Variants in OSMR observed in about 807,000 individuals in gnomAD.
OSMR encodes oncostatin-M-specific receptor subunit beta.
OSMR carries 81 observed loss-of-function variants against 99.9 expected under a neutral mutation model. That is an observed-to-expected ratio of 0.81 (90% CI 0.68 to 0.97). The LOEUF (loss-of-function observed/expected upper bound fraction) is 0.97, where lower values mean the gene tolerates loss of function less well. OSMR is among the 50% of genes least tolerant of loss of function. OSMR has a pLI of 0.00. For missense variants in OSMR, 1,099 were observed against 1,153.4 expected (o/e 0.95, Z 0.68); for synonymous variants, 406 against 410.4 (o/e 0.99, Z 0.13).
chr5:38,894,820 A>T (rs1744394402), intron 7 of OSMR, among the ~76,000 whole-genome samples: 1 of 152,098 alleles, frequency 6.6e-6, no homozygotes, highest in Non-Finnish European at 1.5e-5. Flanking sequence ...ACTAACAAAG[A>T]AATTCTGGAC....
intron 2 of OSMR, among the ~76,000 whole-genome samples, chr5:38,875,068 T>G (rs1742708079): frequency 6.6e-6 from 1 of 152,234 alleles, no homozygotes; most frequent in Non-Finnish European, 1.5e-5. Context: ...ACGTAACGTT[T>G]GAGGGGTTCA....
At position 38,881,658 on chromosome 5, in the gene OSMR, T is replaced by C. The variant is rs759903125; in HGVS notation, c.312T>C (p.Pro104=). The change falls in exon 4 of 18, where the codon CCT becomes CCC. Residue 104 remains proline (P), a synonymous_variant. Transcript: ENST00000274276. ...ATTGGAGCTGGGAATCTGAGCTCCC[T>C]TTGGAATGTGCCACACACTTTGTAA... ...VLHWSWESEL[P]LECATHFVRI... 9 of 1,614,178 alleles carry C rather than the reference T, an allele frequency of 5.6e-6. No homozygotes were observed. Among genetic ancestry groups the C allele is most frequent in the Non-Finnish European group, 7.6e-6 (9 of 1,179,998 alleles).
chr5:38,885,738 C>T (rs983961277), intron 6 of OSMR: 1 of 411,414 alleles, frequency 2.4e-6, no homozygotes. Context: ...GAAAATAGTC[C>T]TGTCTGATAA....
chr5:38,869,143 A>T, intron 2 of OSMR, 26 bp downstream of exon 2: 1 of 1,500,370 alleles, frequency 6.7e-7, no homozygotes. Flanking sequence ...AACAGTAAAG[A>T]CAAAAATCAC....
intron 7 of OSMR, among the ~76,000 whole-genome samples, chr5:38,895,315 T>G (rs1486558865): frequency 6.6e-6 from 1 of 152,074 alleles, no homozygotes; most frequent in Non-Finnish European, 1.5e-5. Context: ...AAACACTGGT[T>G]TTTTGAAAGG....
Position 38,847,254 on chromosome 5 carries a change from G to A in OSMR, c.-14+867G>A, listed in dbSNP as rs576747552. The stretch of plus-strand genomic sequence containing the variant: ...CTACTTATCACCTCTTAGTTTCCTT[G>A]TCTGCAAATAATAATGGTTCATACT... On this transcript the variant is annotated intron_variant, in intron 1 of 17. Transcript: ENST00000274276. 9.1e-4 allele frequency among the ~76,000 whole-genome samples: 139 copies of A among 152,288 alleles called. 3 individuals are homozygous for A. Among genetic ancestry groups the A allele is most frequent in the African/African-American group, 3.2e-3 (134 of 41,566 alleles).
Position 38,904,509 on chromosome 5 carries a change from T to C in OSMR, c.1285+6T>C. The C allele has an allele frequency of 6.2e-7, 1 of 1,614,174 alleles. No homozygotes were observed. Among genetic ancestry groups the C allele is most frequent in the Non-Finnish European group, 8.5e-7 (1 of 1,180,032 alleles). On this transcript the variant is annotated splice_donor_region_variant and intron_variant, in intron 9 of 17. Coordinates refer to ENST00000274276, the MANE Select transcript of OSMR (RefSeq NM_003999.3). ...CTTCACCACACTTGAAGCTGGTATG[T>C]TCAGCCCCTGGCATTTAACCCAAAG...
intron 7 of OSMR, among the ~76,000 whole-genome samples, chr5:38,895,937 C>T (rs945864402): frequency 6.6e-6 from 1 of 151,800 alleles, no homozygotes; most frequent in African/African-American, 2.4e-5. Context: ...TGTTTTGGCA[C>T]CTTTGTAAAA....
At chr5:38,918,294 G>A (rs1746034565) in intron 10 of OSMR, among the ~76,000 whole-genome samples, 2 of 152,154 alleles carry the variant, frequency 1.3e-5, no homozygotes, top group Admixed American at 1.3e-4. Flanking sequence ...CATGCCAGGG[G>A]AGGGGAGGCC....
intron 1 of OSMR, 85 bp downstream of exon 1, chr5:38,846,472 C>CCAG (rs1739821541): frequency 6.6e-6 from 1 of 152,324 alleles, no homozygotes; most frequent in Non-Finnish European, 1.5e-5. Context: ...ATTCACCATC[C>CCAG]CAGCGCCTTT....
intron 17 of OSMR, 28 bp from the exon 18 acceptor site, chr5:38,932,844 T>C (rs1365117787): frequency 8.1e-6 from 13 of 1,613,076 alleles, no homozygotes; most frequent in Admixed American, 1.7e-5. Context: ...CAAATGTCTA[T>C]ATTTACATAT....
At chr5:38,928,148 A>G (rs949313723) in intron 15 of OSMR, among the ~76,000 whole-genome samples, 1 of 151,422 alleles carries the variant, frequency 6.6e-6, no homozygotes, top group African/African-American at 2.5e-5. Context: ...AAACTTTCCA[A>G]CATCTTCCTG....
intron 5 of OSMR, among the ~76,000 whole-genome samples, chr5:38,884,952 T>G (rs1743588929): frequency 6.6e-6 from 1 of 152,114 alleles, no homozygotes; most frequent in South Asian, 2.1e-4. Context: ...CCCTGAACAC[T>G]CAGCTCCTGC....
At chr5:38,881,342 T>C (rs1743266487) in intron 3 of OSMR, 1 of 265,774 alleles carries the variant, frequency 3.8e-6, no homozygotes, top group African/African-American at 2.3e-5. Flanking sequence ...CTCCCGCTTA[T>C]TCCACATGAG....
In OSMR at chr5:38,921,595, C is replaced by T. The variant is rs760279882; in HGVS notation, c.1586-20C>T. 1 of 1,613,606 alleles carries T rather than the reference C, an allele frequency of 6.2e-7. No individual in the cohort carries two copies. Among genetic ancestry groups the T allele is most frequent in the Non-Finnish European group, 8.5e-7 (1 of 1,179,888 alleles). On this transcript the variant is annotated intron_variant, in intron 11 of 17. Coordinates refer to ENST00000274276, the MANE Select transcript of OSMR (RefSeq NM_003999.3). ...ACAGTTAATTAAATCTGGAGCATTG[C>T]TCTATTTGTTTATATACAGAAGAGG...
rs1561409118 is a variant in OSMR at position 38,924,605 on chromosome 5, A to G, written c.2044+10A>G. 6.3e-7 allele frequency: 1 copy of G among 1,588,236 alleles called. No individual in the cohort carries two copies. Among genetic ancestry groups the G allele is most frequent in the Non-Finnish European group, 8.6e-7 (1 of 1,156,394 alleles). On this transcript the variant is annotated intron_variant, in intron 14 of 17. Transcript: ENST00000274276. ...AAGGCAGTTCTTTCAGGTGACATCT[A>G]TTTTTAATTTGTTTATTTATTCTTT... is the stretch of plus-strand genomic sequence containing the variant.
intron 1 of OSMR, among the ~76,000 whole-genome samples, chr5:38,943,633 C>T (rs1215467749): frequency 2.0e-5 from 3 of 151,984 alleles, no homozygotes; most frequent in African/African-American, 2.4e-5. Context: ...GCTAACCTGG[C>T]GAAACTCTGT....
intron 7 of OSMR, among the ~76,000 whole-genome samples, chr5:38,890,295 T>C (rs2112440648): frequency 6.6e-6 from 1 of 152,310 alleles, no homozygotes; most frequent in South Asian, 2.1e-4. Flanking sequence ...ATACTGAACC[T>C]GAGTCTGTAT....
At position 38,921,403 on chromosome 5, in the gene OSMR, C is replaced by T. The variant is rs528967015; in HGVS notation, c.1586-212C>T. 42 of 774,322 alleles carry T rather than the reference C, an allele frequency of 5.4e-5. No homozygotes were observed. The African/African-American group carries it at 7.0e-4, about 13-fold the overall frequency. The allele number at this position is 774,322 out of a possible 1,614,324, so 48.0% of individuals were successfully genotyped here. A position where few individuals can be genotyped will look rare whatever the true frequency, so the allele number is the denominator to read the frequency against. Reference sequence around the variant, plus strand: ...GGCTTCAGAAGGTCAACATGATGGGCATCTGAAGGGCAGGTGTGAATATTC... The same window carrying T: ...GGCTTCAGAAGGTCAACATGATGGGTATCTGAAGGGCAGGTGTGAATATTC... On this transcript the variant is annotated intron_variant, in intron 11 of 17. Transcript: ENST00000274276.
Sources: allele counts gnomAD v4.1 joint callset (sites outside exome capture counted in the v4.1 genomes callset), GRCh38; gene constraint gnomAD v4.1.1; transcripts MANE v1.5; gene names NCBI Gene and HGNC (gene_info 2026-07-23, HGNC 2026-07-21).